GULP1: variants seen among roughly 807,000 people sequenced by gnomAD.
GULP1 encodes PTB domain-containing engulfment adapter protein 1.
Under a neutral mutation model 40.9 loss-of-function variants are expected in GULP1, and 19 were observed. That is an observed-to-expected ratio of 0.46 (90% CI 0.32 to 0.68). The LOEUF (loss-of-function observed/expected upper bound fraction) is 0.68. Among genes scored for constraint, GULP1 ranks in the 30% least tolerant of loss-of-function variants. GULP1 has a pLI of 0.03. For missense variants in GULP1, 312 were observed against 362.2 expected (o/e 0.86, Z 1.12); for synonymous variants, 119 against 117.6 (o/e 1.01, Z -0.08).
At chr2:188,562,282 C>G (rs1576117147) in intron 7 of GULP1, among the ~76,000 whole-genome samples, 1 of 152,248 alleles carries the variant, frequency 6.6e-6, no homozygotes, top group East Asian at 1.9e-4. Context: ...GTCCCTTGAC[C>G]AGGGTTGCAT....
chr2:188,305,320 C>G (rs1193716733), intron 1 of GULP1, among the ~76,000 whole-genome samples: 1 of 152,106 alleles, frequency 6.6e-6, no homozygotes, highest in African/African-American at 2.4e-5. Context: ...CTCTCTGAAC[C>G]CTTTTTGGGT....
At chr2:188,456,853 A>G (rs952759472) in intron 2 of GULP1, among the ~76,000 whole-genome samples, 8 of 152,172 alleles carry the variant, frequency 5.3e-5, no homozygotes, top group African/African-American at 1.9e-4. Context: ...GCCACAGGGT[A>G]CAGACGTGGA....
chr2:188,569,314 G>C lies in GULP1; in HGVS notation c.475G>C (p.Asp159His), dbSNP rs769857935. 2 of 1,599,712 alleles carry C rather than the reference G, an allele frequency of 1.3e-6. No individual in the cohort carries two copies. The highest frequency in any genetic ancestry group is 2.2e-5 in the East Asian group (1 of 44,778). Reference protein sequence around the residue: ...YRKFLESGGKDVETRKQIAGL... With the variant: ...YRKFLESGGKHVETRKQIAGL... Reference sequence around the variant, plus strand: ...GAAATTTCTAGAATCAGGAGGAAAAGATGTTGAAACAAGAAAACAGATCGC... The same window carrying C: ...GAAATTTCTAGAATCAGGAGGAAAACATGTTGAAACAAGAAAACAGATCGC... The change falls in exon 8 of 12, where the codon GAT becomes CAT. Residue 159 changes from aspartate to histidine, a missense_variant. Transcript: ENST00000409830.
chr2:188,566,889 CA>C (rs889963421), intron 7 of GULP1, among the ~76,000 whole-genome samples: 26 of 144,644 alleles, frequency 1.8e-4, no homozygotes, highest in African/African-American at 6.4e-4. Flanking sequence ...AACCATCTGA[CA>C]AAGGTCTAAT....
At chr2:188,472,787 A>G (rs187998724) in intron 2 of GULP1, among the ~76,000 whole-genome samples, 1 of 152,220 alleles carries the variant, frequency 6.6e-6, no homozygotes, top group Non-Finnish European at 1.5e-5. Flanking sequence ...TTGTTTTCTC[A>G]TGCCTGATTT....
At chr2:188,482,501 A>G (rs1228319652) in intron 3 of GULP1, among the ~76,000 whole-genome samples, 1 of 151,854 alleles carries the variant, frequency 6.6e-6, no homozygotes, top group Non-Finnish European at 1.5e-5. Flanking sequence ...GTACAAAACT[A>G]CACTAATGGA....
intron 2 of GULP1, among the ~76,000 whole-genome samples, chr2:188,427,203 G>A (rs1322544944): frequency 6.6e-6 from 1 of 152,158 alleles, no homozygotes; most frequent in African/African-American, 2.4e-5. Context: ...ATGTAAAACT[G>A]GAACTTATAT....
intron 11 of GULP1, chr2:188,591,730 A>G (rs1195343749): frequency 1.3e-5 from 2 of 151,712 alleles, no homozygotes; most frequent in African/African-American, 4.8e-5. Flanking sequence ...TATTATCATT[A>G]AAATCATTTT....
rs183523161 is a variant in GULP1, at chr2:188,317,456, A to G, written c.-172+25290A>G. Among the ~76,000 whole-genome samples, 67 of 152,310 alleles carry G rather than the reference A, an allele frequency of 4.4e-4. No individual in the cohort carries two copies. The East Asian group carries it at 9.8e-3, about 22-fold the overall frequency. Reference sequence around the variant, plus strand: ...ACAACCAGAGAGAAATATATTTAGTATAATTTAATAATAACCTGATTTGCA... The same window carrying G: ...ACAACCAGAGAGAAATATATTTAGTGTAATTTAATAATAACCTGATTTGCA... On this transcript the variant is annotated intron_variant, in intron 1 of 11. Coordinates refer to ENST00000409830, the MANE Select transcript of GULP1 (RefSeq NM_016315.4).
intron 1 of GULP1, among the ~76,000 whole-genome samples, chr2:188,341,801 A>T (rs4667221): frequency 1.3e-5 from 2 of 151,926 alleles, no homozygotes; most frequent in Non-Finnish European, 2.9e-5. Context: ...ATAGGAAATT[A>T]TGGCTCAGAG....
chr2:188,340,763 G>A (rs1290072403), intron 1 of GULP1, among the ~76,000 whole-genome samples: 1 of 152,114 alleles, frequency 6.6e-6, no homozygotes, highest in African/African-American at 2.4e-5. Context: ...GAATTGAAGG[G>A]TGGTGAATGC....
chr2:188,471,480 G>C (rs2060587885), intron 2 of GULP1, among the ~76,000 whole-genome samples: 1 of 151,962 alleles, frequency 6.6e-6, no homozygotes, highest in Non-Finnish European at 1.5e-5. Flanking sequence ...TATTGAAGGA[G>C]ATTTTGTCTG....
At chr2:188,328,321 A>G (rs1040410292) in intron 1 of GULP1, among the ~76,000 whole-genome samples, 1 of 152,082 alleles carries the variant, frequency 6.6e-6, no homozygotes, top group African/African-American at 2.4e-5. Flanking sequence ...TTTCAGGAAA[A>G]TGAAGACAGT....
intron 2 of GULP1, among the ~76,000 whole-genome samples, chr2:188,391,091 G>A (rs1220909028): frequency 6.6e-6 from 1 of 151,944 alleles, no homozygotes; most frequent in Non-Finnish European, 1.5e-5. Flanking sequence ...GGCTGTTTGA[G>A]CACTTTTTTT....
At chr2:188,590,431 A>G (rs1354431211) in intron 11 of GULP1, 1 of 152,200 alleles carries the variant, frequency 6.6e-6, no homozygotes, top group Non-Finnish European at 1.5e-5. Context: ...ATATCATATA[A>G]AAACTTAATA....
chr2:188,445,667 T>C (rs1195791269), intron 2 of GULP1, among the ~76,000 whole-genome samples: 2 of 152,182 alleles, frequency 1.3e-5, no homozygotes, highest in Non-Finnish European at 2.9e-5. Context: ...ATGAGTAGTG[T>C]CCACAACTAG....
At chr2:188,367,466 G>A (rs1241401019) in intron 1 of GULP1, among the ~76,000 whole-genome samples, 1 of 152,144 alleles carries the variant, frequency 6.6e-6, no homozygotes, top group Non-Finnish European at 1.5e-5. Context: ...TTTAGCTTGT[G>A]GGCATGGCAC....
chr2:188,326,188 A>G (rs571839935), intron 1 of GULP1, among the ~76,000 whole-genome samples: 109 of 152,160 alleles, frequency 7.2e-4, no homozygotes, highest in African/African-American at 2.5e-3. Context: ...GAGGTTTTCT[A>G]TATTTTACAT....
At chr2:188,436,830 A>G (rs114000639) in intron 2 of GULP1, among the ~76,000 whole-genome samples, 3,015 of 152,158 alleles carry the variant, frequency 0.02, 98 homozygotes, top group African/African-American at 0.069. Flanking sequence ...CATGAAGAAA[A>G]CATTTTGGAA....
Sources: allele counts gnomAD v4.1 joint callset (sites outside exome capture counted in the v4.1 genomes callset), GRCh38; gene constraint gnomAD v4.1.1; transcripts MANE v1.5; gene names NCBI Gene and HGNC (gene_info 2026-07-23, HGNC 2026-07-21).